The following CUL3 variants were observed in gnomAD, a reference collection of about 807,000 sequenced individuals.
The protein encoded by CUL3 is cullin-3.
In CUL3, 19 loss-of-function variants were observed where a neutral mutation model predicts 89.1. That is an observed-to-expected ratio of 0.21 (90% CI 0.15 to 0.31). CUL3 has a LOEUF of 0.31. Ranked by LOEUF, CUL3 falls within the 10% of genes least tolerant of loss-of-function variation. The probability of loss-of-function intolerance (pLI) is 1.00; values close to 1 mark genes in which losing one functional copy is unlikely to be tolerated. For synonymous variants in CUL3, 351 were observed against 308.4 expected (o/e 1.14, Z -1.45); for missense variants, 469 against 942.3 (o/e 0.50, Z 6.58).
chr2:224,558,528 T>C (rs1574694415), intron 1 of CUL3, among the ~76,000 whole-genome samples: 1 of 152,334 alleles, frequency 6.6e-6, no homozygotes, highest in East Asian at 1.9e-4. Flanking sequence ...TAAAACCTGC[T>C]AGGTTCTTGT....
intron 2 of CUL3, among the ~76,000 whole-genome samples, chr2:224,536,206 T>C (rs1196051520): frequency 6.6e-6 from 1 of 152,206 alleles, no homozygotes; most frequent in Non-Finnish European, 1.5e-5. Context: ...CAGTGCTTAG[T>C]ACTCCGTAAA....
At chr2:224,580,663 G>A (rs1413659543) in intron 1 of CUL3, among the ~76,000 whole-genome samples, 2 of 151,804 alleles carry the variant, frequency 1.3e-5, no homozygotes, top group African/African-American at 2.4e-5. Context: ...TAGCCTGGGC[G>A]ACAGAGCAAG....
chr2:224,498,562 G>A (rs934353730), intron 11 of CUL3, among the ~76,000 whole-genome samples: 1 of 152,172 alleles, frequency 6.6e-6, no homozygotes, highest in African/African-American at 2.4e-5. Context: ...GTGAACTCGA[G>A]ACTATAGGCA....
intron 3 of CUL3, among the ~76,000 whole-genome samples, chr2:224,520,122 T>C (rs1013064766): frequency 5.3e-5 from 8 of 152,338 alleles, no homozygotes; most frequent in African/African-American, 1.7e-4. Context: ...ATTTTAAATA[T>C]AAAATGTTCT....
chr2:224,521,332 GC>G (rs1693251393), intron 3 of CUL3, among the ~76,000 whole-genome samples: 1 of 152,028 alleles, frequency 6.6e-6, no homozygotes, highest in Non-Finnish European at 1.5e-5. Context: ...AACTCTGAAA[GC>G]TTAGTATAAA....
chr2:224,522,444 T>TAAAC (rs1353489873), intron 3 of CUL3, among the ~76,000 whole-genome samples: 1 of 152,320 alleles, frequency 6.6e-6, no homozygotes, highest in East Asian at 1.9e-4. Context: ...ATTGTACAGA[T>TAAAC]AAACATTTCT....
intron 2 of CUL3, among the ~76,000 whole-genome samples, chr2:224,536,895 C>T (rs112106789): frequency 2.0e-5 from 3 of 152,284 alleles, no homozygotes; most frequent in African/African-American, 7.2e-5. Flanking sequence ...TCTCCAAGTT[C>T]CTGTAACACT....
chr2:224,566,564 T>A (rs1695044871), intron 1 of CUL3, among the ~76,000 whole-genome samples: 2 of 152,228 alleles, frequency 1.3e-5, no homozygotes, highest in African/African-American at 4.8e-5. Flanking sequence ...TTGTCTCCAA[T>A]GATTTTCTTG....
chr2:224,560,138 A>C (rs535205842), intron 1 of CUL3, among the ~76,000 whole-genome samples: 1 of 152,112 alleles, frequency 6.6e-6, no homozygotes, highest in East Asian at 1.9e-4. Flanking sequence ...CAAGCACTAC[A>C]ATCTCTTGTT....
chr2:224,558,022 A>G (rs1694779007), intron 1 of CUL3, among the ~76,000 whole-genome samples, 166 bp from the exon 2 acceptor site: 1 of 152,052 alleles, frequency 6.6e-6, no homozygotes, highest in Non-Finnish European at 1.5e-5. Flanking sequence ...ACAGGGGGAA[A>G]AAAAGGATAC....
At chr2:224,572,630 G>GA (rs67105454) in intron 1 of CUL3, among the ~76,000 whole-genome samples, 1,788 of 86,116 alleles carry the variant, frequency 0.021, 32 homozygotes, top group African/African-American at 0.051. Context: ...GAGAGTGAGA[G>GA]AAAAAAAAAA....
chr2:224,505,450 T>G (rs1294517468), intron 8 of CUL3, among the ~76,000 whole-genome samples: 2 of 152,290 alleles, frequency 1.3e-5, no homozygotes, highest in East Asian at 1.9e-4. Flanking sequence ...TGTTCAGTTT[T>G]TTTGAGACAA....
intron 3 of CUL3, among the ~76,000 whole-genome samples, chr2:224,515,162 AGAGTTGAATAAAGTAC>A (rs1215314900): frequency 6.6e-6 from 1 of 152,236 alleles, no homozygotes; most frequent in East Asian, 1.9e-4. Context: ...AGTAAAACTG[AGAGTTGAATAAAGTAC>A]GGATTTATAC....
In CUL3 at chr2:224,473,919, C is replaced by T. The variant is rs1691220090; in HGVS notation, c.*326G>A. The T allele has an allele frequency of 4.3e-6, 1 of 233,828 alleles. No homozygotes were observed. Among genetic ancestry groups the T allele is most frequent in the Non-Finnish European group, 8.4e-6 (1 of 118,658 alleles). The allele number at this position is 233,828 out of a possible 1,614,324, so 14.5% of individuals were successfully genotyped here. ...GAAGACCTGGGGAAATGAAATCCAA[C>T]AATTTTATTGTAATGAGCTGTATTT... is the stretch of plus-strand genomic sequence containing the variant. On this transcript the variant is annotated 3_prime_UTR_variant, in exon 16 of 16. Transcript: ENST00000264414.
chr2:224,569,790 C>G (rs572134998), intron 1 of CUL3: 1 of 1,155,994 alleles, frequency 8.7e-7, no homozygotes, highest in South Asian at 1.7e-5. Context: ...ATACAAAGGA[C>G]AAGAAGTCTT....
chr2:224,502,909 C>T, intron 10 of CUL3, 56 bp downstream of exon 10: 4 of 1,181,996 alleles, frequency 3.4e-6, no homozygotes, highest in South Asian at 2.5e-5. Context: ...TGAAAATATA[C>T]CCATTACAAA....
intron 1 of CUL3, among the ~76,000 whole-genome samples, chr2:224,577,467 G>A (rs1695328443): frequency 6.6e-6 from 1 of 152,024 alleles, no homozygotes; most frequent in African/African-American, 2.4e-5. Context: ...TACCAGGGAG[G>A]CTGAGGCAGG....
chr2:224,556,991 T>C (rs1288987702), intron 2 of CUL3, among the ~76,000 whole-genome samples: 1 of 152,060 alleles, frequency 6.6e-6, no homozygotes, highest in Admixed American at 6.6e-5. Flanking sequence ...ACATAAAGAC[T>C]ATGAGAAGTT....
At chr2:224,551,372 AT>A (rs1559212281) in intron 2 of CUL3, among the ~76,000 whole-genome samples, 1 of 151,844 alleles carries the variant, frequency 6.6e-6, no homozygotes, top group East Asian at 1.9e-4. Context: ...CGTCCGGCTC[AT>A]TTTTTGTATT....
Sources: gnomAD v4.1 joint callset for allele counts (sites outside exome capture counted in the v4.1 genomes callset) on GRCh38, gnomAD v4.1.1 for gene constraint, MANE v1.5 for transcripts, NCBI Gene and HGNC (gene_info 2026-07-23, HGNC 2026-07-21) for gene names.